ZNF532: variants seen among roughly 807,000 people sequenced by gnomAD.
ZNF532 encodes the protein zinc finger protein 532.
Under a neutral mutation model 89.3 loss-of-function variants are expected in ZNF532, and 22 were observed. The ratio of observed to expected loss-of-function variants is 0.25; its 90% CI spans 0.18 to 0.35. The LOEUF is 0.35. ZNF532 is among the 10% of genes least tolerant of loss of function. The pLI is 1.00. For missense variants in ZNF532, 1,132 were observed against 1,643.4 expected (o/e 0.69, Z 5.38); for synonymous variants, 606 against 649.6 (o/e 0.93, Z 1.02).
In ZNF532 at chr18:58,953,513, T is replaced by C. The variant is rs199865560; in HGVS notation, c.2869-5T>C. 6.3e-7 allele frequency: 1 copy of C among 1,597,954 alleles called. No individual in the cohort carries two copies. The highest frequency in any genetic ancestry group is 8.5e-7 in the Non-Finnish European group (1 of 1,173,418). On this transcript the variant is annotated splice_polypyrimidine_tract_variant and splice_region_variant and intron_variant, in intron 6 of 9. Coordinates refer to ENST00000591808, the MANE Select transcript of ZNF532 (RefSeq NM_001375912.1). ...ATAGATATTTCTTTTCTTTTTATAATGTAGTCTATGCATGGAACATTGAAA... is the reference window on the plus strand; with the variant it reads ...ATAGATATTTCTTTTCTTTTTATAACGTAGTCTATGCATGGAACATTGAAA...
upstream of ZNF532, chr18:58,864,727 C>G (rs1430461814): frequency 1.3e-5 from 2 of 152,226 alleles, no homozygotes; most frequent in Admixed American, 6.6e-5. Context: ...CAAACCCCAG[C>G]GAGATCCCCC....
intron 7 of ZNF532, among the ~76,000 whole-genome samples, chr18:58,956,762 C>T (rs1351479584): frequency 2.6e-5 from 4 of 152,168 alleles, no homozygotes; most frequent in East Asian, 1.9e-4. Flanking sequence ...CACCCCACAG[C>T]GGTGTTTCAC....
chr18:58,872,371 C>A (rs1177816017), intron 2 of ZNF532, among the ~76,000 whole-genome samples: 1 of 152,184 alleles, frequency 6.6e-6, no homozygotes, highest in Non-Finnish European at 1.5e-5. Flanking sequence ...CCTCCTTTCC[C>A]CAAGGCTGAC....
At chr18:58,895,731 C>T (rs2059202607) in intron 2 of ZNF532, among the ~76,000 whole-genome samples, 1 of 152,160 alleles carries the variant, frequency 6.6e-6, no homozygotes, top group South Asian at 2.1e-4. Context: ...CCCTCACACT[C>T]CTTGTTGCTA....
intron 8 of ZNF532, chr18:58,979,745 C>G (rs962230449): frequency 6.6e-6 from 1 of 152,472 alleles, no homozygotes; most frequent in Non-Finnish European, 1.5e-5. Context: ...CTGCACATGT[C>G]GAGTTGGCCA....
chr18:58,866,145 A>G (rs2056438138), intron 2 of ZNF532, among the ~76,000 whole-genome samples: 1 of 152,118 alleles, frequency 6.6e-6, no homozygotes, highest in African/African-American at 2.4e-5. Context: ...TCTTTGTGGC[A>G]TATGTTTAAT....
intron 5 of ZNF532, among the ~76,000 whole-genome samples, chr18:58,942,071 G>A (rs1253207500): frequency 6.4e-5 from 9 of 139,764 alleles, no homozygotes; most frequent in Non-Finnish European, 9.2e-5. Flanking sequence ...CGCCCAGGCT[G>A]GAGTGCAGTG....
At chr18:58,923,338 T>G (rs1260175920) in intron 3 of ZNF532, among the ~76,000 whole-genome samples, 1 of 151,078 alleles carries the variant, frequency 6.6e-6, no homozygotes, top group Non-Finnish European at 1.5e-5. Context: ...CTAGAATGCT[T>G]CTTCACAGCT....
At chr18:58,863,634 G>T (rs1002613436), upstream of ZNF532, 3 of 81,764 alleles carry the variant, frequency 3.7e-5, no homozygotes, top group South Asian at 6.4e-4. Flanking sequence ...CCGCTCCGAC[G>T]ACAGCAGCAG....
intron 2 of ZNF532, among the ~76,000 whole-genome samples, chr18:58,872,851 C>T (rs1413685062): frequency 1.3e-5 from 2 of 152,072 alleles, no homozygotes; most frequent in East Asian, 1.9e-4. Flanking sequence ...AGGCATGTGC[C>T]ACCACGCCCG....
rs1440107025 is a variant in ZNF532 at position 58,880,771 on chromosome 18, C to CGCGTGTGTGTGTGTGTGT, written c.-18+15193_-18+15194insCGTGTGTGTGTGTGTGTG. ...TCATAGGCGCGCGCGCACGCGCGCG[C>CGCGTGTGTGTGTGTGTGT]GTCTGTGTGTGTGTGTGTATGTTTG... On this transcript the variant is annotated intron_variant, in intron 2 of 9. Transcript: ENST00000591808. Among the ~76,000 whole-genome samples, 573 of 145,360 alleles carry CGCGTGTGTGTGTGTGTGT rather than the reference C, an allele frequency of 3.9e-3. 9 individuals carry two copies. Among genetic ancestry groups the CGCGTGTGTGTGTGTGTGT allele is most frequent in the Non-Finnish European group, 5.0e-3 (330 of 65,768 alleles).
rs769212389 is a variant in ZNF532, at chr18:58,888,150, T to C, written c.-18+22571T>C. On this transcript the variant is annotated intron_variant, in intron 2 of 9. Coordinates refer to ENST00000591808, the MANE Select transcript of ZNF532 (RefSeq NM_001375912.1). ...GTTGAATAATAAACCACAATCATCATGAGTATTTTATTTTATATAGGCAGA... is the reference window on the plus strand; with the variant it reads ...GTTGAATAATAAACCACAATCATCACGAGTATTTTATTTTATATAGGCAGA... Among the ~76,000 whole-genome samples the C allele has an allele frequency of 2.2e-4, 34 of 151,646 alleles. 1 individual carries two copies. Among genetic ancestry groups the C allele is most frequent in the Middle Eastern group, 6.8e-3 (2 of 294 alleles).
At chr18:58,886,372 T>C (rs2058307243) in intron 2 of ZNF532, among the ~76,000 whole-genome samples, 1 of 152,230 alleles carries the variant, frequency 6.6e-6, no homozygotes, top group African/African-American at 2.4e-5. Context: ...GTAGTGTATG[T>C]ATTGTTTTGT....
chr18:58,884,101 G>A (rs1275741633), intron 2 of ZNF532, among the ~76,000 whole-genome samples: 3 of 152,180 alleles, frequency 2.0e-5, no homozygotes, highest in South Asian at 2.1e-4. Context: ...AAACTTGGCC[G>A]GGCACAGTGG....
At chr18:58,947,337 A>C (rs1484149137) in intron 5 of ZNF532, among the ~76,000 whole-genome samples, 1 of 152,186 alleles carries the variant, frequency 6.6e-6, no homozygotes, top group Non-Finnish European at 1.5e-5. Flanking sequence ...GTGGATGGGC[A>C]GGAGGGATTA....
At chr18:58,867,119 A>G (rs748151743) in intron 2 of ZNF532, among the ~76,000 whole-genome samples, 5 of 152,268 alleles carry the variant, frequency 3.3e-5, no homozygotes, top group Non-Finnish European at 7.3e-5. Context: ...GCTTAATACA[A>G]TAAGCTGTTT....
intron 2 of ZNF532, among the ~76,000 whole-genome samples, chr18:58,906,860 G>T (rs2059964449): frequency 1.3e-5 from 2 of 152,150 alleles, no homozygotes; most frequent in Admixed American, 1.3e-4. Context: ...GATTGATAGT[G>T]TTTTTGGACT....
upstream of ZNF532, chr18:58,864,114 C>G (rs2056221026): frequency 6.6e-6 from 1 of 152,424 alleles, no homozygotes; most frequent in Non-Finnish European, 1.5e-5. Flanking sequence ...CAGAGGCCTC[C>G]GTGCCCCCTC....
intron 3 of ZNF532, among the ~76,000 whole-genome samples, 160 bp downstream of exon 3, chr18:58,920,793 T>A (rs2061003926): frequency 3.6e-5 from 2 of 55,986 alleles, no homozygotes; most frequent in Non-Finnish European, 7.2e-5. Context: ...TGTGTGTGTT[T>A]GGGGAGGGGA....
Sources: gnomAD v4.1 joint callset for allele counts (sites outside exome capture counted in the v4.1 genomes callset) on GRCh38, gnomAD v4.1.1 for gene constraint, MANE v1.5 for transcripts, NCBI Gene and HGNC (gene_info 2026-07-23, HGNC 2026-07-21) for gene names.